PIK3C2G: variants seen among roughly 807,000 people sequenced by gnomAD.
The protein encoded by PIK3C2G is phosphatidylinositol-4-phosphate 3-kinase catalytic subunit type 2 gamma, also known as phosphatidylinositol 3-kinase C2 domain-containing subunit gamma.
In PIK3C2G, 168 loss-of-function variants were observed where a neutral mutation model predicts 181.1. That is an observed-to-expected ratio of 0.93 (90% CI 0.82 to 1.05). The LOEUF (loss-of-function observed/expected upper bound fraction) is 1.05, where lower values mean the gene tolerates loss of function less well. Ranked by LOEUF, PIK3C2G falls within the 50% of genes least tolerant of loss-of-function variation. The pLI, the probability that PIK3C2G is intolerant of heterozygous loss-of-function variation, is 0.00. For missense variants in PIK3C2G, 1,869 were observed against 1,732.8 expected (o/e 1.08, Z -1.40); for synonymous variants, 573 against 592.2 (o/e 0.97, Z 0.47).
the PIK3C2G span, among the ~76,000 whole-genome samples, chr12:18,664,764 C>G: frequency 6.6e-6 from 1 of 151,220 alleles, no homozygotes; most frequent in East Asian, 1.9e-4. Context: ...ATCCAAATGT[C>G]CAACAATGAT....
chr12:18,316,707 G>A (rs1950877408), intron 6 of PIK3C2G, among the ~76,000 whole-genome samples: 1 of 151,940 alleles, frequency 6.6e-6, no homozygotes, highest in Non-Finnish European at 1.5e-5. Flanking sequence ...TCCAGCCTGG[G>A]TGACAGAGCG....
intron 25 of PIK3C2G, among the ~76,000 whole-genome samples, chr12:18,542,678 C>A (rs1198535361): frequency 6.6e-6 from 1 of 151,826 alleles, no homozygotes; most frequent in East Asian, 1.9e-4. Flanking sequence ...TCTGTTCCTG[C>A]ATTAGTTTGC....
the PIK3C2G span, among the ~76,000 whole-genome samples, chr12:18,677,646 G>C: frequency 6.6e-6 from 1 of 152,108 alleles, no homozygotes; most frequent in Non-Finnish European, 1.5e-5. Flanking sequence ...GAAGCAGAAC[G>C]CCACACCAAT....
At chr12:18,576,715 G>C (rs1448783614) in intron 29 of PIK3C2G, among the ~76,000 whole-genome samples, 1 of 152,060 alleles carries the variant, frequency 6.6e-6, no homozygotes, top group African/African-American at 2.4e-5. Flanking sequence ...TTCTGCCCTA[G>C]AGAATCAAGG....
intron 1 of PIK3C2G, among the ~76,000 whole-genome samples, chr12:18,279,267 A>G (rs563031454): frequency 2.0e-5 from 3 of 152,176 alleles, no homozygotes; most frequent in South Asian, 4.1e-4. Context: ...CAGTGGTAGT[A>G]ATAATATTAT....
intron 21 of PIK3C2G, 71 bp downstream of exon 21, chr12:18,496,225 A>C (rs1257417081): frequency 1.1e-5 from 10 of 913,182 alleles, no homozygotes; most frequent in Admixed American, 2.9e-5. Flanking sequence ...CACAAAAAGA[A>C]ATTGTTGTGG....
intron 8 of PIK3C2G, among the ~76,000 whole-genome samples, chr12:18,334,823 C>T (rs1459990895): frequency 6.6e-6 from 1 of 151,990 alleles, no homozygotes; most frequent in African/African-American, 2.4e-5. Flanking sequence ...AACTGATATT[C>T]CCCTCGTACT....
rs745621198 is a variant in PIK3C2G at position 18,505,326 on chromosome 12, GGT to G, written c.3194_3195del (p.Val1065GlyfsTer9). 55 of 1,611,206 alleles carry G rather than the reference GGT, an allele frequency of 3.4e-5. No homozygotes were observed. Among genetic ancestry groups the G allele is most frequent in the Non-Finnish European group, 4.2e-5 (50 of 1,178,420 alleles). On this transcript the variant is annotated frameshift_variant, in exon 24 of 33. Coordinates refer to ENST00000538779, the MANE Select transcript of PIK3C2G (RefSeq NM_001288772.2). LOFTEE classifies it high-confidence loss of function. ...AACTTTTTCTACTCCTGTGCTGGCTGGTGTGTGGTAACATTCATCCTGGGAGT... is the reference window on the plus strand; with the variant it reads ...AACTTTTTCTACTCCTGTGCTGGCTGGTGTGGTAACATTCATCCTGGGAGT...
At position 18,567,061 on chromosome 12, in the gene PIK3C2G, T is replaced by G. The variant is rs774815731; in HGVS notation, c.4011+4T>G. 1 of 1,205,494 alleles carries G rather than the reference T, an allele frequency of 8.3e-7. No individual in the cohort carries two copies. Among genetic ancestry groups the G allele is most frequent in the East Asian group, 2.3e-5 (1 of 42,804 alleles). 74.7% of individuals were successfully genotyped at this position (1,205,494 alleles called of 1,614,324 possible). ...TGTATCACATGAAGTTACAAACGTA[T>G]GTTATAATTAATTTTTCTATTTTTA... On this transcript the variant is annotated splice_donor_region_variant and intron_variant, in intron 29 of 32. Transcript: ENST00000538779.
At chr12:18,709,483 T>G in the PIK3C2G span, among the ~76,000 whole-genome samples, 1 of 152,090 alleles carries the variant, frequency 6.6e-6, no homozygotes, top group South Asian at 2.1e-4. Flanking sequence ...TTTCTCAGAA[T>G]TATTTTGGCT....
At chr12:18,423,518 C>T (rs111967016) in intron 17 of PIK3C2G, among the ~76,000 whole-genome samples, 1,568 of 152,172 alleles carry the variant, frequency 0.01, 12 homozygotes, top group Non-Finnish European at 0.017. Context: ...AGCAAAACCT[C>T]AAGGCCTGGA....
chr12:18,648,772 G>A (rs563259404), downstream of PIK3C2G, among the ~76,000 whole-genome samples: 10 of 152,056 alleles, frequency 6.6e-5, no homozygotes, highest in East Asian at 1.9e-4. Flanking sequence ...ACCTACTTTC[G>A]TAGTCACCAT....
At chr12:18,424,673 CA>C in intron 18 of PIK3C2G, 1 of 208,780 alleles carries the variant, frequency 4.8e-6, no homozygotes, top group South Asian at 9.4e-5. Flanking sequence ...TTAAGATTGT[CA>C]AAAGATGCTA....
intron 24 of PIK3C2G, among the ~76,000 whole-genome samples, chr12:18,523,966 TC>T (rs1943072267): frequency 6.6e-6 from 1 of 152,196 alleles, no homozygotes; most frequent in Non-Finnish European, 1.5e-5. Context: ...CTATGTTTTC[TC>T]CATTATAATG....
chr12:18,534,065 T>G (rs1354613046), intron 24 of PIK3C2G, among the ~76,000 whole-genome samples: 1 of 144,842 alleles, frequency 6.9e-6, no homozygotes, highest in Non-Finnish European at 1.5e-5. Context: ...TTCTTGTGCC[T>G]CAGCCTCCCG....
Position 18,414,747 on chromosome 12 carries a change from G to T in PIK3C2G, c.2316-6194G>T, listed in dbSNP as rs559086633. On this transcript the variant is annotated intron_variant, in intron 16 of 32. Coordinates refer to ENST00000538779, the MANE Select transcript of PIK3C2G (RefSeq NM_001288772.2). Reference sequence around the variant, plus strand: ...TTTTGGTTTTGTTTTAATACATGTTGACCTATATTGCCAACAAGTATGAAA... The same window carrying T: ...TTTTGGTTTTGTTTTAATACATGTTTACCTATATTGCCAACAAGTATGAAA... Among the ~76,000 whole-genome samples the T allele has an allele frequency of 3.9e-5, 6 of 152,204 alleles. No homozygotes were observed. In the South Asian group the frequency reaches 1.2e-3, roughly 32 times the overall value.
intron 31 of PIK3C2G, among the ~76,000 whole-genome samples, chr12:18,628,738 G>A (rs1042275444): frequency 6.6e-6 from 1 of 152,140 alleles, no homozygotes; most frequent in Non-Finnish European, 1.5e-5. Flanking sequence ...ATCTTTCCAA[G>A]TAGTGGGACA....
intron 30 of PIK3C2G, among the ~76,000 whole-genome samples, chr12:18,595,111 A>G (rs1947290477): frequency 6.6e-6 from 1 of 152,116 alleles, no homozygotes; most frequent in African/African-American, 2.4e-5. Context: ...ATCTTAAAAC[A>G]ACAGAATACA....
chr12:18,558,042 G>C (rs1172323627), intron 26 of PIK3C2G, among the ~76,000 whole-genome samples: 1 of 152,110 alleles, frequency 6.6e-6, no homozygotes, highest in Non-Finnish European at 1.5e-5. Flanking sequence ...AAAGGGCCTA[G>C]AATAGTGAAG....
Sources: gnomAD v4.1 joint callset for allele counts (sites outside exome capture counted in the v4.1 genomes callset) on GRCh38, gnomAD v4.1.1 for gene constraint, MANE v1.5 for transcripts, NCBI Gene and HGNC (gene_info 2026-07-23, HGNC 2026-07-21) for gene names.